The following DLGAP2 variants were observed in gnomAD, a reference collection of about 807,000 sequenced individuals.
The protein encoded by DLGAP2 is disks large-associated protein 2.
Under a neutral mutation model 100.3 loss-of-function variants are expected in DLGAP2, and 26 were observed. The ratio of observed to expected loss-of-function variants is 0.26; its 90% CI spans 0.19 to 0.36. DLGAP2 has a LOEUF of 0.36. DLGAP2 is among the 10% of genes least tolerant of loss of function. The probability of loss-of-function intolerance (pLI) is 1.00; values close to 1 mark genes in which losing one functional copy is unlikely to be tolerated. For synonymous variants in DLGAP2, 886 were observed against 630.1 expected (o/e 1.41, Z -6.08); for missense variants, 1,858 against 1,453.2 (o/e 1.28, Z -4.53).
At chr8:1,624,594 G>C (rs1421429404) in intron 6 of DLGAP2, among the ~76,000 whole-genome samples, 2 of 151,750 alleles carry the variant, frequency 1.3e-5, no homozygotes, top group African/African-American at 4.8e-5. Flanking sequence ...ATGCTTTCAG[G>C]GTGGTGACAG....
chr8:1,555,568 C>T lies in DLGAP2; in HGVS notation c.1230+5885C>T, dbSNP rs936132433. The stretch of plus-strand genomic sequence containing the variant: ...CTCGCTGGTGCTCACCGAGCCCGTT[C>T]GTGTAATCAGGGACCGTCTGCAGGA... On this transcript the variant is annotated intron_variant, in intron 5 of 14. Coordinates refer to ENST00000637795, the MANE Select transcript of DLGAP2 (RefSeq NM_001346810.2). Among the ~76,000 whole-genome samples the T allele has an allele frequency of 7.2e-5, 11 of 152,176 alleles. No individual in the cohort carries two copies. The South Asian group carries it at 1.0e-3, about 14-fold the overall frequency.
intron 1 of DLGAP2, among the ~76,000 whole-genome samples, chr8:870,402 C>T (rs980365685): frequency 9.9e-5 from 15 of 152,174 alleles, no homozygotes; most frequent in South Asian, 2.1e-4. Context: ...ACCCTAAACA[C>T]GCAGCTGCCC....
intron 1 of DLGAP2, among the ~76,000 whole-genome samples, chr8:863,089 C>T (rs143907609): frequency 2.0e-4 from 31 of 152,236 alleles, no homozygotes; most frequent in African/African-American, 6.7e-4. Context: ...TGCACGATTC[C>T]GTTGGAAGGT....
intron 3 of DLGAP2, among the ~76,000 whole-genome samples, chr8:1,479,498 A>G (rs1799030289): frequency 6.6e-6 from 1 of 152,196 alleles, no homozygotes; most frequent in African/African-American, 2.4e-5. Context: ...AATTGGATCC[A>G]TCCTGAAAGG....
chr8:1,415,899 A>C (rs1796870935), intron 3 of DLGAP2, among the ~76,000 whole-genome samples: 2 of 152,178 alleles, frequency 1.3e-5, no homozygotes, highest in African/African-American at 4.8e-5. Context: ...ATAGTGGCTG[A>C]GCTAATTTAC....
intron 3 of DLGAP2, among the ~76,000 whole-genome samples, chr8:1,409,942 T>C (rs1404070581): frequency 6.6e-6 from 1 of 152,212 alleles, no homozygotes; most frequent in Non-Finnish European, 1.5e-5. Context: ...CATAATCATA[T>C]GATCCAGTTC....
intron 5 of DLGAP2, among the ~76,000 whole-genome samples, chr8:1,553,245 G>A (rs973693429): frequency 2.0e-5 from 3 of 152,148 alleles, no homozygotes; most frequent in Non-Finnish European, 2.9e-5. Context: ...CTCCCACCGC[G>A]TCCTGCGCTC....
At chr8:1,158,895 C>T (rs1189893513) in intron 2 of DLGAP2, among the ~76,000 whole-genome samples, 4 of 152,176 alleles carry the variant, frequency 2.6e-5, no homozygotes, top group Non-Finnish European at 5.9e-5. Context: ...TTAGAGGGTT[C>T]GGCCTGACCA....
chr8:1,264,211 T>C (rs1255518458), intron 3 of DLGAP2, among the ~76,000 whole-genome samples: 2 of 152,064 alleles, frequency 1.3e-5, no homozygotes, highest in African/African-American at 4.8e-5. Context: ...AAGAAGGAAT[T>C]CCAACCAGGG....
chr8:780,143 A>C (rs921970366), intron 1 of DLGAP2, among the ~76,000 whole-genome samples: 1 of 152,030 alleles, frequency 6.6e-6, no homozygotes, highest in Non-Finnish European at 1.5e-5. Context: ...CCCTTTCCTC[A>C]TCCCCGCCAA....
intron 2 of DLGAP2, among the ~76,000 whole-genome samples, chr8:1,124,987 G>A (rs1796132836): frequency 6.6e-6 from 1 of 152,248 alleles, no homozygotes; most frequent in East Asian, 1.9e-4. Context: ...GCCCCCACAC[G>A]GAGGAAGCAT....
intron 3 of DLGAP2, among the ~76,000 whole-genome samples, chr8:1,357,260 G>T (rs527650024): frequency 2.0e-5 from 3 of 152,158 alleles, no homozygotes; most frequent in South Asian, 4.1e-4. Flanking sequence ...GCCGGTCCTC[G>T]GAGAAGGGGT....
intron 8 of DLGAP2, among the ~76,000 whole-genome samples, chr8:1,640,018 C>G (rs975274658): frequency 6.6e-6 from 1 of 152,200 alleles, no homozygotes; most frequent in Non-Finnish European, 1.5e-5. Flanking sequence ...AGGATGCGGA[C>G]ATTTTTGGAG....
At chr8:1,275,665 C>T (rs1188451757) in intron 3 of DLGAP2, among the ~76,000 whole-genome samples, 1 of 146,040 alleles carries the variant, frequency 6.8e-6, no homozygotes, top group Non-Finnish European at 1.5e-5. Flanking sequence ...GCTTCTGGAA[C>T]TTTGTCCCTG....
chr8:1,039,629 G>A (rs1387555036), intron 2 of DLGAP2, among the ~76,000 whole-genome samples: 1 of 57,640 alleles, frequency 1.7e-5, no homozygotes, highest in East Asian at 4.8e-4. Context: ...GGTGTGCGTG[G>A]TCAGCTCGGT....
At chr8:922,698 G>T (rs577029658) in intron 2 of DLGAP2, among the ~76,000 whole-genome samples, 8 of 152,296 alleles carry the variant, frequency 5.3e-5, no homozygotes, top group Non-Finnish European at 7.4e-5. Context: ...TTAAACAGAA[G>T]TGTCAGATAA....
At chr8:1,075,765 C>CT (rs1253653907) in intron 2 of DLGAP2, among the ~76,000 whole-genome samples, 1 of 151,966 alleles carries the variant, frequency 6.6e-6, no homozygotes, top group African/African-American at 2.4e-5. Context: ...GCAGATGGTT[C>CT]TTTGTAAAGA....
At chr8:1,312,311 C>T (rs1047822209) in intron 3 of DLGAP2, among the ~76,000 whole-genome samples, 2 of 152,140 alleles carry the variant, frequency 1.3e-5, no homozygotes, top group African/African-American at 4.8e-5. Flanking sequence ...ACCGAAGGCA[C>T]CTAGGAAAGA....
chr8:1,618,528 T>A (rs893433731), intron 6 of DLGAP2, among the ~76,000 whole-genome samples: 5 of 152,308 alleles, frequency 3.3e-5, no homozygotes, highest in African/African-American at 1.2e-4. Context: ...AACCTCAGTT[T>A]TTAGAGAAAC....
Sources: allele counts gnomAD v4.1 joint callset (sites outside exome capture counted in the v4.1 genomes callset), GRCh38; gene constraint gnomAD v4.1.1; transcripts MANE v1.5; gene names NCBI Gene and HGNC (gene_info 2026-07-23, HGNC 2026-07-21).